Variants in LONP1 observed in about 807,000 individuals in gnomAD.
LONP1 encodes lon protease homolog, mitochondrial.
LONP1 carries 31 observed loss-of-function variants against 98.5 expected under a neutral mutation model. The observed-to-expected ratio is 0.31, with a 90% CI of 0.24 to 0.42. The LOEUF is 0.42. Ranked by LOEUF, LONP1 falls within the 20% of genes least tolerant of loss-of-function variation. The pLI is 1.00. For synonymous variants in LONP1, 781 were observed against 594.7 expected (o/e 1.31, Z -4.56); for missense variants, 1,336 against 1,350.6 (o/e 0.99, Z 0.17).
chr19:5,707,727 A>G lies in LONP1; in HGVS notation c.1032T>C (p.His344=), dbSNP rs2055170505. ...MGAALTGAES[H]ELQDVLEETN... is the part of the protein sequence containing the mutation. ...TCTCTTCCAGGACGTCCTGCAGCTC[A>G]TGGGACTCGGCCCCGGTGAGCGCGG... The change falls in exon 6 of 18, where the codon CAT becomes CAC. Residue 344 remains histidine, a synonymous_variant. Transcript: ENST00000360614. The G allele has an allele frequency of 3.7e-6, 6 of 1,613,116 alleles. No homozygotes were observed. The highest frequency in any genetic ancestry group is 1.3e-5 in the African/African-American group (1 of 75,006).
rs773576105 is a variant in LONP1, at chr19:5,693,844, A to T, written c.2321-75T>A. 2.0e-5 allele frequency: 25 copies of T among 1,253,374 alleles called. No individual in the cohort carries two copies. In the Admixed American group the frequency reaches 3.7e-4, roughly 19 times the overall value. The allele number at this position is 1,253,374 out of a possible 1,614,324, so 77.6% of individuals were successfully genotyped here. ...GGTGCTCACTCCACCCCTCGGGGCC[A>T]CTCTGACCGCTCCTGCCCCAGTTTA... is the stretch of plus-strand genomic sequence containing the variant. On this transcript the variant is annotated intron_variant, in intron 15 of 17. Transcript: ENST00000360614.
intron 1 of LONP1, 112 bp from the exon 2 acceptor site, chr19:5,714,383 AC>A (rs748800208): frequency 1.6e-4 from 111 of 710,332 alleles, no homozygotes; most frequent in Middle Eastern, 1.4e-3. Context: ...GCTCACTGCA[AC>A]CTCCACCCCC....
intron 3 of LONP1, chr19:5,712,553 G>A: frequency 8.9e-5 from 16 of 180,258 alleles, no homozygotes; most frequent in East Asian, 1.4e-4. Flanking sequence ...CTGGAGTGCA[G>A]TGGTGTGATC....
chr19:5,700,959 G>C, intron 8 of LONP1, 32 bp from the exon 9 acceptor site: 3 of 1,613,178 alleles, frequency 1.9e-6, no homozygotes, highest in Non-Finnish European at 2.5e-6. Flanking sequence ...GATGCTGAGT[G>C]GAGCTCACGA....
At chr19:5,704,976 C>T (rs1206336132) in intron 8 of LONP1, among the ~76,000 whole-genome samples, 8 of 152,102 alleles carry the variant, frequency 5.3e-5, no homozygotes, top group Admixed American at 1.3e-4. Context: ...ACCTGGCCAA[C>T]ATGGCAAAAC....
rs772147339 is a variant in LONP1, at chr19:5,713,289, G to A, written c.519-36C>T. The A allele has an allele frequency of 2.9e-5, 46 of 1,613,128 alleles. No individual in the cohort carries two copies. In the Admixed American group the frequency reaches 7.7e-4, roughly 27 times the overall value. On this transcript the variant is annotated intron_variant, in intron 2 of 17. Coordinates refer to ENST00000360614, the MANE Select transcript of LONP1 (RefSeq NM_004793.4). ...AGAGCACAGAGGAATGTTGGAACAT[G>A]GCTTTCATGCTAGGCAGGATGTCTC...
Position 5,696,097 on chromosome 19 carries a change from T to C in LONP1, c.1970A>G (p.Asn657Ser), listed in dbSNP as rs1314252573. 1 of 1,612,978 alleles carries C rather than the reference T, an allele frequency of 6.2e-7. No individual in the cohort carries two copies. The highest frequency in any genetic ancestry group is 8.5e-7 in the Non-Finnish European group (1 of 1,179,908). The change falls in exon 13 of 18, where the codon AAC becomes AGC. Residue 657 changes from asparagine (N) to serine (S), a missense_variant. Asn to Ser is a conservative substitution (Grantham distance 46). Around this residue, in one of 5 missense-constraint regions of LONP1, gnomAD observed 555 missense variants for 542.6 expected, o/e 1.02. Transcript: ENST00000360614. ...EPLRDRMEMINVSGYVAQEKL... is the reference protein window; with the variant it reads ...EPLRDRMEMISVSGYVAQEKL... ...CTCCTGGGCCACGTAGCCCGACACG[T>C]TGATCATCTCCATACGGTCTCGCAG...
At chr19:5,717,894 T>C (rs1036297271) in intron 1 of LONP1, among the ~76,000 whole-genome samples, 2 of 146,584 alleles carry the variant, frequency 1.4e-5, no homozygotes, top group African/African-American at 5.0e-5. Flanking sequence ...TTTCTTTCTT[T>C]TTTTTTTTTT....
Position 5,696,123 on chromosome 19 carries a change from C to G in LONP1, c.1944G>C (p.Pro648=), listed in dbSNP as rs202103798. The change falls in exon 13 of 18, where the codon CCG becomes CCC. Residue 648 remains proline (P), a synonymous_variant. Transcript: ENST00000360614. ...TGATCATCTCCATACGGTCTCGCAG[C>G]GGCTCGGGGATGGTGTCCGTGACGT... is the stretch of plus-strand genomic sequence containing the variant. ...TANVTDTIPE[P]LRDRMEMINV... 3.1e-6 allele frequency: 5 copies of G among 1,612,900 alleles called. No individual in the cohort carries two copies.
intron 10 of LONP1, 130 bp from the exon 11 acceptor site, chr19:5,696,887 C>G: frequency 1.6e-6 from 1 of 636,144 alleles, no homozygotes; most frequent in Non-Finnish European, 2.7e-6. Context: ...ATGTGGGAGG[C>G]GGAAATGCTG....
intron 3 of LONP1, among the ~76,000 whole-genome samples, chr19:5,712,851 C>CA (rs1298975649): frequency 4.6e-5 from 7 of 152,018 alleles, no homozygotes; most frequent in East Asian, 1.9e-4. Context: ...AGGCTGGACT[C>CA]AAACTCCGGG....
At position 5,694,824 on chromosome 19, in the gene LONP1, C is replaced by G. The variant is rs780971082; in HGVS notation, c.2091G>C (p.Thr697=). 6.2e-7 allele frequency: 1 copy of G among 1,602,164 alleles called. No individual in the cohort carries two copies. Among genetic ancestry groups the G allele is most frequent in the South Asian group, 1.1e-5 (1 of 90,860 alleles). ...SKAKLSSDVL[T]LLIKQYCRES... is the part of the protein sequence containing the mutation. ...CGCGGCAGTACTGCTTGATGAGCAG[C>G]GTCAGCACGTCCGATGACAGCTTGG... is the stretch of plus-strand genomic sequence containing the variant. Residue 697 remains threonine (T), a synonymous_variant, in exon 14 of 18, where the codon ACG becomes ACC. Transcript: ENST00000360614.
rs768218110 is a variant in LONP1 at position 5,692,144 on chromosome 19, A to G, written c.2768T>C (p.Leu923Pro). The G allele has an allele frequency of 6.2e-7, 1 of 1,614,120 alleles. No homozygotes were observed. Among genetic ancestry groups the G allele is most frequent in the South Asian group, 1.1e-5 (1 of 91,086 alleles). Residue 923 changes from leucine to proline, a missense_variant, in exon 18 of 18, where the codon CTG becomes CCG. Coordinates refer to ENST00000360614, the MANE Select transcript of LONP1 (RefSeq NM_004793.4). ...CAGGCCCTCGGTGATGAAGGCTGCC[A>G]GGTCGTAGAAGTCCTTCTTGTTCTC... ...PAENKKDFYD[L>P]AAFITEGLEV...
chr19:5,707,411 G>C (rs1599469168), intron 6 of LONP1, among the ~76,000 whole-genome samples: 1 of 152,184 alleles, frequency 6.6e-6, no homozygotes, highest in Non-Finnish European at 1.5e-5. Flanking sequence ...CAACGCCCCG[G>C]GTACACGGCC....
Position 5,693,544 on chromosome 19 carries a change from G to A in LONP1, c.2538+8C>T, listed in dbSNP as rs147720943. 3.8e-5 allele frequency: 62 copies of A among 1,613,978 alleles called. No homozygotes were observed. In the South Asian group the frequency reaches 4.4e-4, roughly 11 times the overall value. Reference sequence around the variant, plus strand: ...GCGGGAGCAGGTGGGAGCGGATGGCGCGGTCACCTCGGGCACATGCAGGTG... The same window carrying A: ...GCGGGAGCAGGTGGGAGCGGATGGCACGGTCACCTCGGGCACATGCAGGTG... On this transcript the variant is annotated splice_region_variant and intron_variant, in intron 16 of 17. Coordinates refer to ENST00000360614, the MANE Select transcript of LONP1 (RefSeq NM_004793.4).
chr19:5,719,613 G>T (rs1413888282), intron 1 of LONP1, 91 bp downstream of exon 1: 3 of 1,592,782 alleles, frequency 1.9e-6, no homozygotes, highest in African/African-American at 2.7e-5. Flanking sequence ...TGAAAAAGTT[G>T]CGAAACACAA....
chr19:5,720,049 C>G lies in LONP1; in HGVS notation c.84G>C (p.Gly28=). The change falls in exon 1 of 18, where the codon GGG becomes GGC. Residue 28 remains glycine, a synonymous_variant. Coordinates refer to ENST00000360614, the MANE Select transcript of LONP1 (RefSeq NM_004793.4). ...VLRRPMLAAA[G]GRVPTAAGAW... Reference sequence around the variant, plus strand: ...CTCCTGCTGCAGTGGGAACCCGCCCCCCGGCGGCGGCCAGCATCGGCCGCC... The same window carrying G: ...CTCCTGCTGCAGTGGGAACCCGCCCGCCGGCGGCGGCCAGCATCGGCCGCC... The G allele has an allele frequency of 6.5e-7, 1 of 1,539,798 alleles. No homozygotes were observed. Among genetic ancestry groups the G allele is most frequent in the Non-Finnish European group, 8.7e-7 (1 of 1,147,144 alleles).
rs749593120 is a variant in LONP1, at chr19:5,707,833, G to A, written c.933-7C>T. On this transcript the variant is annotated splice_polypyrimidine_tract_variant and splice_region_variant and intron_variant, in intron 5 of 17. Coordinates refer to ENST00000360614, the MANE Select transcript of LONP1 (RefSeq NM_004793.4). ...CATCTGCAGCACTGACTCCCTGGGG[G>A]ACAAAGGGAGCTGCCTCGGTGGCCA... is the stretch of plus-strand genomic sequence containing the variant. 1.2e-5 allele frequency: 19 copies of A among 1,612,436 alleles called. No individual in the cohort carries two copies. The highest frequency in any genetic ancestry group is 1.6e-5 in the Non-Finnish European group (19 of 1,179,684).
chr19:5,713,848 ACCCC>A (rs1568327496), intron 2 of LONP1, among the ~76,000 whole-genome samples: 2 of 151,442 alleles, frequency 1.3e-5, no homozygotes. Flanking sequence ...CAGGTGTGCG[ACCCC>A]ACGCCCGGCC....
Sources: allele counts gnomAD v4.1 joint callset (sites outside exome capture counted in the v4.1 genomes callset), GRCh38; gene constraint gnomAD v4.1.1; regional missense constraint gnomAD v4.1.1; transcripts MANE v1.5; gene names NCBI Gene and HGNC (gene_info 2026-07-23, HGNC 2026-07-21).